The following NRCAM variants were observed in gnomAD, a reference collection of about 807,000 sequenced individuals.
NRCAM encodes the protein neuronal cell adhesion molecule.
A neutral mutation model predicts 156.5 loss-of-function variants in NRCAM; 83 were observed. That is an observed-to-expected ratio of 0.53 (90% CI 0.44 to 0.64). NRCAM has a LOEUF of 0.64. NRCAM is among the 30% of genes least tolerant of loss of function. NRCAM has a pLI of 0.00. For synonymous variants in NRCAM, 538 were observed against 563.9 expected, an observed-to-expected ratio of 0.95 and a Z score of 0.65; for missense variants, 1,417 against 1,597.3, an observed-to-expected ratio of 0.89 and a Z score of 1.92.
At chr7:108,238,870 A>G (rs2095332554) in intron 4 of NRCAM, among the ~76,000 whole-genome samples, 1 of 152,056 alleles carries the variant, frequency 6.6e-6, no homozygotes, top group African/African-American at 2.4e-5. Context: ...GTGTGGGACA[A>G]ACCACATCTC....
intron 2 of NRCAM, among the ~76,000 whole-genome samples, chr7:108,319,730 G>T (rs1412252198): frequency 2.0e-5 from 3 of 152,212 alleles, no homozygotes; most frequent in Non-Finnish European, 4.4e-5. Flanking sequence ...AGGTCCTACA[G>T]AGCTGGGGAA....
intron 32 of NRCAM, among the ~76,000 whole-genome samples, chr7:108,155,793 AT>A (rs929183114): frequency 6.6e-6 from 1 of 152,046 alleles, no homozygotes; most frequent in Non-Finnish European, 1.5e-5. Flanking sequence ...ATTTTAGAAA[AT>A]TTTTTTAAAA....
At chr7:108,338,359 T>C (rs2099230205) in intron 2 of NRCAM, among the ~76,000 whole-genome samples, 2 of 152,202 alleles carry the variant, frequency 1.3e-5, no homozygotes, top group African/African-American at 4.8e-5. Context: ...CTCTAGCAAG[T>C]TGTATCTCCA....
chr7:108,441,529 C>T (rs1381161549), intron 1 of NRCAM, among the ~76,000 whole-genome samples: 1 of 152,240 alleles, frequency 6.6e-6, no homozygotes, highest in African/African-American at 2.4e-5. Flanking sequence ...CTGTAACTCT[C>T]ACCATGCAGA....
chr7:108,369,104 T>C (rs1227309912), intron 2 of NRCAM, among the ~76,000 whole-genome samples: 1 of 152,190 alleles, frequency 6.6e-6, no homozygotes, highest in Non-Finnish European at 1.5e-5. Flanking sequence ...AAGATTGTGA[T>C]ACAGATGATG....
At position 108,184,526 on chromosome 7, in the gene NRCAM, C is replaced by A. The variant is rs1417436379; in HGVS notation, c.2124G>T (p.Gln708His). 6.2e-7 allele frequency: 1 copy of A among 1,614,040 alleles called. No homozygotes were observed. The highest frequency in any genetic ancestry group is 8.5e-7 in the Non-Finnish European group (1 of 1,180,042). The change falls in exon 21 of 33, where the codon CAG becomes CAT. Residue 708 changes from glutamine to histidine, a missense_variant. Physicochemically the swap from Gln to His is conservative, Grantham distance 24. Around this residue, in one of 2 missense-constraint regions of NRCAM, gnomAD observed 1,238 missense variants for 1,336.4 expected, o/e 0.93. Coordinates refer to ENST00000379028, the MANE Select transcript of NRCAM (RefSeq NM_001037132.4). ...TEVSGTQTTA[Q>H]LKLSPYVNYS... ...AGTTCACGTAAGGAGACAGCTTCAG[C>A]TGGGCTGTGGTCTGTGTTCCAGAAA...
intron 1 of NRCAM, among the ~76,000 whole-genome samples, chr7:108,452,077 G>C (rs1375977390): frequency 6.6e-6 from 1 of 152,192 alleles, no homozygotes; most frequent in African/African-American, 2.4e-5. Context: ...TGAAGGCTGA[G>C]CCATTCCCCT....
At chr7:108,266,817 G>A (rs937994450) in intron 3 of NRCAM, among the ~76,000 whole-genome samples, 1 of 152,098 alleles carries the variant, frequency 6.6e-6, no homozygotes, top group Admixed American at 6.6e-5. Context: ...TTACGATTGA[G>A]GACAAAGGAA....
Position 108,214,366 on chromosome 7 carries a change from T to C in NRCAM, c.891-4761A>G, listed in dbSNP as rs189754892. On this transcript the variant is annotated intron_variant, in intron 11 of 32. Coordinates refer to ENST00000379028, the MANE Select transcript of NRCAM (RefSeq NM_001037132.4). ...AGGAATTTATCCATCTCTTCTAGAT[T>C]TTCTAGTTTATTTGCGTAGAGGTGT... is the stretch of plus-strand genomic sequence containing the variant. Among the ~76,000 whole-genome samples the C allele has an allele frequency of 3.3e-5, 5 of 152,326 alleles. No individual in the cohort carries two copies. In the East Asian group the frequency reaches 7.7e-4, roughly 23 times the overall value.
chr7:108,253,457 T>C (rs1457931684), intron 3 of NRCAM, among the ~76,000 whole-genome samples: 1 of 152,138 alleles, frequency 6.6e-6, no homozygotes, highest in African/African-American at 2.4e-5. Flanking sequence ...ATGAGTAAAG[T>C]CCAAGCGTAT....
At chr7:108,385,684 G>A (rs1419491093) in intron 2 of NRCAM, among the ~76,000 whole-genome samples, 1 of 152,098 alleles carries the variant, frequency 6.6e-6, no homozygotes, top group Non-Finnish European at 1.5e-5. Flanking sequence ...GGAATACCAG[G>A]GTAAGGACTG....
intron 2 of NRCAM, among the ~76,000 whole-genome samples, chr7:108,326,758 A>G (rs1435786017): frequency 6.6e-6 from 1 of 152,198 alleles, no homozygotes; most frequent in African/African-American, 2.4e-5. Flanking sequence ...AACTGTAGAT[A>G]TTAAGTTTGG....
At chr7:108,159,432 G>A in intron 32 of NRCAM, 31 bp downstream of exon 32, 1 of 1,568,640 alleles carries the variant, frequency 6.4e-7, no homozygotes. Flanking sequence ...TGTGGGCAGA[G>A]AAGATGAAGA....
chr7:108,337,951 C>T (rs906176005), intron 2 of NRCAM, among the ~76,000 whole-genome samples: 53 of 152,160 alleles, frequency 3.5e-4, no homozygotes, highest in African/African-American at 1.1e-3. Context: ...ACCTGTCGGC[C>T]GGTTAAAAAC....
intron 2 of NRCAM, among the ~76,000 whole-genome samples, chr7:108,345,999 T>C (rs986443353): frequency 6.6e-6 from 1 of 152,188 alleles, no homozygotes; most frequent in African/African-American, 2.4e-5. Context: ...AAGCATGAGA[T>C]GATCCAATTT....
chr7:108,280,645 T>A (rs1178025641), intron 3 of NRCAM, among the ~76,000 whole-genome samples: 5 of 152,212 alleles, frequency 3.3e-5, no homozygotes, highest in Non-Finnish European at 7.3e-5. Context: ...CTACTGAAAA[T>A]AGTTTGACCG....
In NRCAM at chr7:108,237,781, T is replaced by A. The variant is rs773268961; in HGVS notation, c.107-12A>T. On this transcript the variant is annotated splice_polypyrimidine_tract_variant and intron_variant, in intron 4 of 32. Transcript: ENST00000379028. ...TTCAAGAAGTTTTGCTTTTTCCCCA[T>A]CAATATCAGCAGGTAAGTGGGCAAA... The A allele has an allele frequency of 6.3e-6, 10 of 1,590,246 alleles. No homozygotes were observed. The East Asian group carries it at 1.8e-4, about 29-fold the overall frequency.
chr7:108,202,614 C>A (rs995095272), intron 13 of NRCAM, among the ~76,000 whole-genome samples: 3 of 152,180 alleles, frequency 2.0e-5, no homozygotes, highest in Non-Finnish European at 4.4e-5. Flanking sequence ...TCCATCCCTA[C>A]AAGAGGATGC....
chr7:108,237,872 T>C, intron 4 of NRCAM, 103 bp from the exon 5 acceptor site: 6 of 794,888 alleles, frequency 7.5e-6, no homozygotes, highest in Non-Finnish European at 1.1e-5. Context: ...AGGGGGCATC[T>C]TGTCTATTTG....
Sources: gnomAD v4.1 joint callset for allele counts (sites outside exome capture counted in the v4.1 genomes callset) on GRCh38, gnomAD v4.1.1 for gene constraint, gnomAD v4.1.1 regional missense constraint, MANE v1.5 for transcripts, NCBI Gene and HGNC (gene_info 2026-07-23, HGNC 2026-07-21) for gene names.